SH3BP5: variants seen among roughly 807,000 people sequenced by gnomAD.
SH3BP5 encodes SH3 domain binding protein 5.
A neutral mutation model predicts 43.3 loss-of-function variants in SH3BP5; 22 were observed. The ratio of observed to expected loss-of-function variants is 0.51; its 90% CI spans 0.36 to 0.73. The LOEUF (loss-of-function observed/expected upper bound fraction) is 0.73, where lower values mean the gene tolerates loss of function less well. Ranked by LOEUF, SH3BP5 falls within the 30% of genes least tolerant of loss-of-function variation. The pLI is 0.00. For missense variants in SH3BP5, 529 were observed against 586.9 expected, an observed-to-expected ratio of 0.90 and a Z score of 1.02; for synonymous variants, 255 against 225.8, an observed-to-expected ratio of 1.13 and a Z score of -1.16.
rs370273754 is a variant in SH3BP5 at position 15,296,694 on chromosome 3, C to CTTT, written c.330+7406_330+7408dup. ...ATCCTCCACTTACGAAGTGTTTTTC[C>CTTT]TTTTTTTTTTTTTTTTTGAGACAGG... On this transcript the variant is annotated intron_variant, in intron 3 of 8. Transcript: ENST00000383791. Among the ~76,000 whole-genome samples, 419 of 124,936 alleles carry CTTT rather than the reference C, an allele frequency of 3.4e-3. 7 individuals carry two copies. The highest frequency in any genetic ancestry group is 5.8e-3 in the Non-Finnish European group (361 of 62,744). The allele number at this position is 124,936 out of a possible 152,430, so 82.0% of individuals were successfully genotyped here.
At chr3:15,296,751 T>C (rs1021203515) in intron 3 of SH3BP5, among the ~76,000 whole-genome samples, 2 of 140,018 alleles carry the variant, frequency 1.4e-5, no homozygotes, top group African/African-American at 5.7e-5. Context: ...TAGAGCGCAG[T>C]GGTGCGATCA....
intron 1 of SH3BP5, among the ~76,000 whole-genome samples, chr3:15,340,688 T>C (rs1575364888): frequency 6.6e-6 from 1 of 151,702 alleles, no homozygotes; most frequent in African/African-American, 2.4e-5. Flanking sequence ...TAGGCGGAGG[T>C]TGCAGTAAGC....
intron 3 of SH3BP5, among the ~76,000 whole-genome samples, chr3:15,286,921 G>A (rs1477783291): frequency 6.6e-6 from 1 of 152,186 alleles, no homozygotes; most frequent in Non-Finnish European, 1.5e-5. Context: ...ATGCGGAAAG[G>A]ATAAGATGCA....
chr3:15,306,213 G>A (rs1382068063), intron 2 of SH3BP5, among the ~76,000 whole-genome samples: 3 of 151,280 alleles, frequency 2.0e-5, no homozygotes, highest in Admixed American at 2.0e-4. Context: ...AAAAAAATTA[G>A]CCAGGTATGG....
chr3:15,297,495 C>T (rs142316036), intron 3 of SH3BP5, among the ~76,000 whole-genome samples: 3 of 152,292 alleles, frequency 2.0e-5, no homozygotes, highest in East Asian at 3.9e-4. Context: ...GATCCAAATG[C>T]TTTACATGTA....
intron 3 of SH3BP5, among the ~76,000 whole-genome samples, chr3:15,280,172 T>C (rs1241832362): frequency 6.6e-6 from 1 of 151,974 alleles, no homozygotes; most frequent in Non-Finnish European, 1.5e-5. Flanking sequence ...GAACGACGCA[T>C]CCCAAATCAA....
At chr3:15,268,125 G>A (rs904904241) in intron 4 of SH3BP5, among the ~76,000 whole-genome samples, 3 of 152,208 alleles carry the variant, frequency 2.0e-5, no homozygotes, top group Admixed American at 6.5e-5. Flanking sequence ...CCACTAGGGG[G>A]CAGGAGGCGC....
intron 1 of SH3BP5, chr3:15,331,940 T>A (rs1443532994): frequency 4.1e-6 from 1 of 243,912 alleles, no homozygotes; most frequent in Non-Finnish European, 8.0e-6. Flanking sequence ...CGGGCAGGGG[T>A]ACCCCCGAGG....
At chr3:15,291,385 TG>T (rs1697409288) in intron 3 of SH3BP5, among the ~76,000 whole-genome samples, 1 of 152,222 alleles carries the variant, frequency 6.6e-6, no homozygotes, top group African/African-American at 2.4e-5. Flanking sequence ...AATTCCCTTT[TG>T]GTAGGGCTGC....
In SH3BP5 at chr3:15,259,007, A is replaced by AG; in HGVS notation, c.712dup (p.Leu238ProfsTer19). On this transcript the variant is annotated frameshift_variant, in exon 7 of 9. Coordinates refer to ENST00000383791, the MANE Select transcript of SH3BP5 (RefSeq NM_004844.5). LOFTEE classifies it high-confidence loss of function. ...GGCCATCTTGTACTCGCCTTTTGCC[A>AG]GGGTCAGTTTGGCCTGCAGGTCATC... 6.2e-7 allele frequency: 1 copy of AG among 1,614,220 alleles called. No homozygotes were observed. Among genetic ancestry groups the AG allele is most frequent in the Non-Finnish European group, 8.5e-7 (1 of 1,180,038 alleles).
chr3:15,294,020 G>A (rs1697488745), intron 3 of SH3BP5, among the ~76,000 whole-genome samples: 1 of 148,236 alleles, frequency 6.7e-6, no homozygotes, highest in South Asian at 2.1e-4. Flanking sequence ...AGAGGTTGCA[G>A]TGAGCCGAGA....
intron 4 of SH3BP5, among the ~76,000 whole-genome samples, chr3:15,263,936 G>C (rs1696542774): frequency 6.6e-6 from 1 of 152,142 alleles, no homozygotes; most frequent in Non-Finnish European, 1.5e-5. Flanking sequence ...GGAGCCCAGA[G>C]GGCTCATGGT....
chr3:15,288,134 C>T (rs1184311614), intron 3 of SH3BP5, among the ~76,000 whole-genome samples: 1 of 152,214 alleles, frequency 6.6e-6, no homozygotes, highest in African/African-American at 2.4e-5. Context: ...AGAATTCCCT[C>T]TTGCTCATGG....
At position 15,301,546 on chromosome 3, in the gene SH3BP5, A is replaced by C. The variant is rs142422601; in HGVS notation, c.330+2557T>G. Among the ~76,000 whole-genome samples the C allele has an allele frequency of 6.4e-4, 97 of 152,262 alleles. 1 individual carries two copies. The highest frequency in any genetic ancestry group is 2.3e-3 in the African/African-American group (96 of 41,542). ...CCACAGGGAAAAAGGAAAGCAAGGC[A>C]TGGGGGCTGGGGCTGGCAGGGATGG... On this transcript the variant is annotated intron_variant, in intron 3 of 8. Coordinates refer to ENST00000383791, the MANE Select transcript of SH3BP5 (RefSeq NM_004844.5).
intron 4 of SH3BP5, among the ~76,000 whole-genome samples, chr3:15,268,452 C>G (rs1463987476): frequency 6.6e-6 from 1 of 152,154 alleles, no homozygotes; most frequent in Non-Finnish European, 1.5e-5. Context: ...GCTGAAGCCA[C>G]AGGTCAGCTC....
chr3:15,259,522 C>T, intron 6 of SH3BP5: 1 of 605,024 alleles, frequency 1.7e-6, no homozygotes, highest in Non-Finnish European at 3.0e-6. Flanking sequence ...GTCCTAAGAG[C>T]ATGCTGTGAG....
At chr3:15,288,312 C>G (rs1480062013) in intron 3 of SH3BP5, among the ~76,000 whole-genome samples, 1 of 152,230 alleles carries the variant, frequency 6.6e-6, no homozygotes, top group African/African-American at 2.4e-5. Context: ...TATCTGGACA[C>G]TGCAGCCCAG....
chr3:15,323,313 C>T (rs1230399063), intron 2 of SH3BP5, among the ~76,000 whole-genome samples: 2 of 152,146 alleles, frequency 1.3e-5, no homozygotes, highest in East Asian at 3.9e-4. Flanking sequence ...CAGTGCCAAT[C>T]TGACAAAGAA....
At chr3:15,297,504 T>G (rs1697609173) in intron 3 of SH3BP5, among the ~76,000 whole-genome samples, 1 of 152,234 alleles carries the variant, frequency 6.6e-6, no homozygotes, top group East Asian at 1.9e-4. Flanking sequence ...GCTTTACATG[T>G]ACTAATTCAA....
Sources: gnomAD v4.1 joint callset for allele counts (sites outside exome capture counted in the v4.1 genomes callset) on GRCh38, gnomAD v4.1.1 for gene constraint, MANE v1.5 for transcripts, NCBI Gene and HGNC (gene_info 2026-07-23, HGNC 2026-07-21) for gene names.